The following IYD variants were observed in gnomAD, a reference collection of about 807,000 sequenced individuals.
The protein encoded by IYD is iodotyrosine deiodinase 1.
A neutral mutation model predicts 28.4 loss-of-function variants in IYD; 25 were observed. The ratio of observed to expected loss-of-function variants is 0.88; its 90% CI spans 0.64 to 1.23. IYD has a LOEUF of 1.23. IYD is among the 50% of genes most tolerant of loss of function. The probability of loss-of-function intolerance (pLI) is 0.00; values close to 1 mark genes in which losing one functional copy is unlikely to be tolerated. For synonymous variants in IYD, 140 were observed against 130.8 expected (o/e 1.07, Z -0.48); for missense variants, 352 against 357.9 (o/e 0.98, Z 0.13).
chr6:150,382,724 T>C (rs963819654), intron 1 of IYD, among the ~76,000 whole-genome samples: 1 of 152,258 alleles, frequency 6.6e-6, no homozygotes, highest in Non-Finnish European at 1.5e-5. Flanking sequence ...TCTTTAGCTG[T>C]GCCTACACTG....
At chr6:150,378,105 C>G (rs372526307) in intron 1 of IYD, among the ~76,000 whole-genome samples, 1 of 152,148 alleles carries the variant, frequency 6.6e-6, no homozygotes, top group Non-Finnish European at 1.5e-5. Flanking sequence ...ACCTGAATTC[C>G]ACCTGGAGAA....
Position 150,378,286 on chromosome 6 carries a change from G to A in IYD, c.178+9077G>A, listed in dbSNP as rs1001672001. On this transcript the variant is annotated intron_variant, in intron 1 of 4. Coordinates refer to ENST00000344419, the MANE Select transcript of IYD (RefSeq NM_203395.3). ...GCTGGTGCGCTGCACCCATTAACTC[G>A]TCATTTAGCATTAGGTATATCTCCT... 2.7e-5 allele frequency among the ~76,000 whole-genome samples: 4 copies of A among 149,266 alleles called. No individual in the cohort carries two copies. In the East Asian group the frequency reaches 6.2e-4, roughly 23 times the overall value.
At chr6:150,383,238 T>C (rs1240111339) in intron 1 of IYD, among the ~76,000 whole-genome samples, 1 of 152,184 alleles carries the variant, frequency 6.6e-6, no homozygotes, top group African/African-American at 2.4e-5. Context: ...AATCCCCCCT[T>C]ACTATGAGAC....
intron 1 of IYD, among the ~76,000 whole-genome samples, chr6:150,382,103 T>C (rs1354421289): frequency 6.6e-6 from 1 of 152,182 alleles, no homozygotes. Flanking sequence ...CTTGCAGGAA[T>C]GGCCTCTGCT....
intron 1 of IYD, among the ~76,000 whole-genome samples, chr6:150,375,673 T>G (rs749014258): frequency 6.6e-6 from 1 of 152,098 alleles, no homozygotes; most frequent in Non-Finnish European, 1.5e-5. Context: ...GTTAGCCCTA[T>G]GAGGATGGCC....
intron 4 of IYD, chr6:150,396,701 G>A: frequency 6.8e-6 from 2 of 295,748 alleles, no homozygotes; most frequent in Admixed American, 5.2e-5. Flanking sequence ...GGTGAAACCC[G>A]GCCTTTACTA....
chr6:150,372,122 T>C (rs1162354979), intron 1 of IYD, among the ~76,000 whole-genome samples: 3 of 152,194 alleles, frequency 2.0e-5, no homozygotes, highest in Non-Finnish European at 4.4e-5. Flanking sequence ...AGGTATTAAA[T>C]GGTAAAATAA....
intron 1 of IYD, among the ~76,000 whole-genome samples, chr6:150,378,490 C>T (rs972803409): frequency 6.6e-6 from 1 of 152,160 alleles, no homozygotes; most frequent in Non-Finnish European, 1.5e-5. Flanking sequence ...TCATCCATGT[C>T]CCTACAAAGG....
rs1319535238 is a variant in IYD, at chr6:150,389,670, C to T, written c.370+127C>T. On this transcript the variant is annotated intron_variant, in intron 2 of 4. Coordinates refer to ENST00000344419, the MANE Select transcript of IYD (RefSeq NM_203395.3). ...AGAGTGATATGTTTATCTATAAAGT[C>T]TTACCCAAATGCTGAGTGAGTGCCA... 5.7e-6 allele frequency: 5 copies of T among 881,352 alleles called. No individual in the cohort carries two copies. The Admixed American group carries it at 9.2e-5, about 16-fold the overall frequency. 54.6% of individuals were successfully genotyped at this position (881,352 alleles called of 1,614,324 possible). A position where few individuals can be genotyped will look rare whatever the true frequency, so the allele number is the denominator to read the frequency against.
chr6:150,386,985 T>C (rs891836501), intron 1 of IYD, among the ~76,000 whole-genome samples: 9 of 152,192 alleles, frequency 5.9e-5, no homozygotes, highest in Admixed American at 5.2e-4. Context: ...TATTTCTGTG[T>C]TCTTCCCGAG....
intron 1 of IYD, chr6:150,370,655 T>G (rs1777207179): frequency 1.0e-6 from 1 of 985,368 alleles, no homozygotes; most frequent in African/African-American, 1.7e-5. Flanking sequence ...GAACATCTGC[T>G]GTGAAGCTGG....
At chr6:150,373,199 AT>A (rs879287138) in intron 1 of IYD, among the ~76,000 whole-genome samples, 4 of 152,218 alleles carry the variant, frequency 2.6e-5, no homozygotes, top group African/African-American at 9.6e-5. Context: ...CTGAGTTAAA[AT>A]TTTTTATCCA....
chr6:150,397,978 A>C (rs1778384895), intron 4 of IYD, 77 bp from the exon 5 acceptor site: 2 of 1,399,158 alleles, frequency 1.4e-6, no homozygotes, highest in Non-Finnish European at 2.0e-6. Context: ...AATCAGGACA[A>C]GAAGGTCCCC....
chr6:150,375,679 TGGCCTCACAGGAA>T (rs1163722842), intron 1 of IYD, among the ~76,000 whole-genome samples: 3 of 152,136 alleles, frequency 2.0e-5, no homozygotes, highest in Non-Finnish European at 4.4e-5. Context: ...CCTATGAGGA[TGGCCTCACAGGAA>T]GTGGGATGAC....
Position 150,403,849 on chromosome 6 carries a change from A to C in IYD, c.*5612A>C, listed in dbSNP as rs1008783547. The C allele has an allele frequency of 4.6e-5, 7 of 152,264 alleles. No homozygotes were observed. Among genetic ancestry groups the C allele is most frequent in the Admixed American group, 6.5e-5 (1 of 15,288 alleles). The allele number at this position is 152,264 out of a possible 1,614,324, so 9.4% of individuals were successfully genotyped here. A position where few individuals can be genotyped will look rare whatever the true frequency, so the allele number is the denominator to read the frequency against. ...AGAGCAGGATGGAAATATGTTAGCA[A>C]TGCCTGCAGAGTGCCAAGTAAACGC... On this transcript the variant is annotated 3_prime_UTR_variant, in exon 5 of 5. Transcript: ENST00000344419.
intron 1 of IYD, among the ~76,000 whole-genome samples, chr6:150,372,465 AGG>A (rs1449388414): frequency 8.2e-5 from 4 of 48,706 alleles, no homozygotes; most frequent in East Asian, 1.3e-3. Context: ...GGGGGTGGTG[AGG>A]GAACATTGTG....
rs537442874 is a variant in IYD, at chr6:150,374,171, AC to A, written c.178+4963del. Among the ~76,000 whole-genome samples the A allele has an allele frequency of 3.5e-3, 526 of 152,356 alleles. 2 individuals carry two copies. Among genetic ancestry groups the A allele is most frequent in the Non-Finnish European group, 5.9e-3 (398 of 68,026 alleles). On this transcript the variant is annotated intron_variant, in intron 1 of 4. Transcript: ENST00000344419. ...TAGGTTCATGGCTGAGGCCCCTGTA[AC>A]AAAAGACAGAATAACAGAAAAGTAT...
chr6:150,397,723 T>A (rs984218214), intron 4 of IYD, among the ~76,000 whole-genome samples: 30 of 152,164 alleles, frequency 2.0e-4, no homozygotes, highest in Non-Finnish European at 3.7e-4. Context: ...CTCCCTGTTG[T>A]TTTTGCCTTT....
chr6:150,397,959 A>G (rs1778383858), intron 4 of IYD, 96 bp from the exon 5 acceptor site: 1 of 1,190,140 alleles, frequency 8.4e-7, no homozygotes, highest in Non-Finnish European at 1.2e-6. Context: ...TGATAGGAAG[A>G]GCAGGTATAA....
Sources: gnomAD v4.1 joint callset for allele counts (sites outside exome capture counted in the v4.1 genomes callset) on GRCh38, gnomAD v4.1.1 for gene constraint, MANE v1.5 for transcripts, NCBI Gene and HGNC (gene_info 2026-07-23, HGNC 2026-07-21) for gene names.